The following RHEX variants were observed in gnomAD, a reference collection of about 807,000 sequenced individuals.
RHEX encodes regulator of hemoglobinization and erythroid cell expansion protein.
In RHEX, 18 loss-of-function variants were observed where a neutral mutation model predicts 20.1. The ratio of observed to expected loss-of-function variants is 0.90; its 90% CI spans 0.62 to 1.33. The LOEUF (loss-of-function observed/expected upper bound fraction) is 1.33. RHEX is among the 40% of genes most tolerant of loss of function. The pLI is 0.00. For synonymous variants in RHEX, 87 were observed against 77.1 expected, an observed-to-expected ratio of 1.13 and a Z score of -0.67; for missense variants, 192 against 214.3, an observed-to-expected ratio of 0.90 and a Z score of 0.65.
At chr1:206,074,776 C>T (rs1553285034) in intron 1 of RHEX, among the ~76,000 whole-genome samples, 1 of 152,214 alleles carries the variant, frequency 6.6e-6, no homozygotes, top group African/African-American at 2.4e-5. Context: ...ACTTCTAATT[C>T]GACCTCATGT....
intron 1 of RHEX, among the ~76,000 whole-genome samples, chr1:206,085,414 T>TAA (rs1237005218): frequency 6.6e-6 from 1 of 152,200 alleles, no homozygotes; most frequent in East Asian, 1.9e-4. Flanking sequence ...TGAAACAGAA[T>TAA]AATTTGACCC....
At chr1:206,101,015 G>T (rs543984499) in intron 4 of RHEX, 121 bp from the exon 5 acceptor site, 18 of 679,534 alleles carry the variant, frequency 2.6e-5, no homozygotes, top group South Asian at 7.2e-5. Flanking sequence ...CCCCCTTTTT[G>T]TTGCTGGCTC....
intron 1 of RHEX, among the ~76,000 whole-genome samples, chr1:206,063,381 C>CCTCTCT (rs1281110327): frequency 2.6e-5 from 4 of 151,922 alleles, no homozygotes; most frequent in African/African-American, 9.7e-5. Context: ...TCTCCCTCTC[C>CCTCTCT]CTCTCCCTCT....
chr1:206,057,315 A>T (rs1194037794), intron 1 of RHEX, among the ~76,000 whole-genome samples: 1 of 152,254 alleles, frequency 6.6e-6, no homozygotes, highest in East Asian at 1.9e-4. Context: ...GTTCCTGATG[A>T]ATTCCCAGCC....
At chr1:206,089,733 T>G (rs1662909654) in intron 1 of RHEX, among the ~76,000 whole-genome samples, 1 of 140,098 alleles carries the variant, frequency 7.1e-6, no homozygotes, top group African/African-American at 2.7e-5. Flanking sequence ...CTAGTTTCAG[T>G]TTTTTTTTTT....
intron 1 of RHEX, chr1:206,060,798 T>C (rs959521861): frequency 6.6e-6 from 1 of 152,184 alleles, no homozygotes; most frequent in Non-Finnish European, 1.5e-5. Flanking sequence ...CTGGTGGGTC[T>C]CTTGTCCATG....
At chr1:206,070,579 T>C (rs116089345) in intron 1 of RHEX, among the ~76,000 whole-genome samples, 1 of 152,312 alleles carries the variant, frequency 6.6e-6, no homozygotes, top group African/African-American at 2.4e-5. Context: ...GCTCACTTGC[T>C]CTCTTAATGT....
intron 1 of RHEX, among the ~76,000 whole-genome samples, chr1:206,086,615 C>T (rs1662845894): frequency 6.6e-6 from 1 of 152,220 alleles, no homozygotes; most frequent in Non-Finnish European, 1.5e-5. Flanking sequence ...ATAGTATCTA[C>T]CTCATAAGGT....
intron 1 of RHEX, among the ~76,000 whole-genome samples, chr1:206,064,690 C>G (rs1201952180): frequency 1.3e-5 from 2 of 150,380 alleles, no homozygotes; most frequent in Admixed American, 1.3e-4. Context: ...CCGCCCCATC[C>G]GGGAGGTGAG....
At chr1:206,066,431 A>T (rs1662423815) in intron 1 of RHEX, among the ~76,000 whole-genome samples, 1 of 152,228 alleles carries the variant, frequency 6.6e-6, no homozygotes, top group Non-Finnish European at 1.5e-5. Flanking sequence ...AGCCTGACCA[A>T]CATGGTGAAA....
chr1:206,064,401 C>T (rs1293692925), intron 1 of RHEX, among the ~76,000 whole-genome samples: 5 of 125,760 alleles, frequency 4.0e-5, no homozygotes, highest in African/African-American at 1.7e-4. Flanking sequence ...GGGGGTCAGC[C>T]CCCCGCCCGG....
At chr1:206,076,678 C>T (rs1249812481) in intron 1 of RHEX, among the ~76,000 whole-genome samples, 2 of 152,202 alleles carry the variant, frequency 1.3e-5, no homozygotes, top group Admixed American at 1.3e-4. Flanking sequence ...ACCAGCATAT[C>T]CTTAGACCAG....
chr1:206,071,545 G>GAAAAAAA (rs1662528734), intron 1 of RHEX, among the ~76,000 whole-genome samples: 1 of 88,464 alleles, frequency 1.1e-5, no homozygotes. Context: ...TGTTGAAAAT[G>GAAAAAAA]CAAAAAAAAA....
intron 1 of RHEX, among the ~76,000 whole-genome samples, chr1:206,079,347 A>G (rs1448324685): frequency 2.6e-5 from 4 of 152,220 alleles, no homozygotes; most frequent in African/African-American, 9.6e-5. Flanking sequence ...CAGAAGGTCA[A>G]TATGATGCAA....
At chr1:206,076,081 A>T (rs1169896315) in intron 1 of RHEX, among the ~76,000 whole-genome samples, 1 of 152,108 alleles carries the variant, frequency 6.6e-6, no homozygotes, top group Admixed American at 6.5e-5. Context: ...AGAAGCAAAA[A>T]CTTGTTGTTT....
chr1:206,092,046 C>T (rs1352176281), intron 1 of RHEX, among the ~76,000 whole-genome samples: 3 of 150,578 alleles, frequency 2.0e-5, no homozygotes, highest in Non-Finnish European at 4.4e-5. Context: ...CTTTCTTTCT[C>T]TCTTTCTCTC....
chr1:206,063,808 C>G (rs1449830438), intron 1 of RHEX, among the ~76,000 whole-genome samples: 1 of 151,892 alleles, frequency 6.6e-6, no homozygotes, highest in Non-Finnish European at 1.5e-5. Flanking sequence ...TCTGCCCGGC[C>G]GCCACCCCGT....
intron 1 of RHEX, among the ~76,000 whole-genome samples, chr1:206,056,825 GT>G (rs1368620113): frequency 6.6e-6 from 1 of 152,214 alleles, no homozygotes; most frequent in African/African-American, 2.4e-5. Context: ...AAAAAAATAA[GT>G]ATATCTGTCA....
chr1:206,072,169 G>A (rs1553284729), intron 1 of RHEX, among the ~76,000 whole-genome samples: 2 of 152,174 alleles, frequency 1.3e-5, no homozygotes, highest in Admixed American at 6.5e-5. Flanking sequence ...CAAAACAGTG[G>A]AAGAAAATCT....
Sources: gnomAD v4.1 joint callset for allele counts (sites outside exome capture counted in the v4.1 genomes callset) on GRCh38, gnomAD v4.1.1 for gene constraint, MANE v1.5 for transcripts, NCBI Gene and HGNC (gene_info 2026-07-23, HGNC 2026-07-21) for gene names.